Variants in GAD2 observed in about 807,000 individuals in gnomAD.
The protein encoded by GAD2 is 65 kDa glutamic acid decarboxylase.
GAD2 carries 22 observed loss-of-function variants against 80.1 expected under a neutral mutation model. The ratio of observed to expected loss-of-function variants is 0.27; its 90% confidence interval spans 0.20 to 0.39. The LOEUF (loss-of-function observed/expected upper bound fraction) is 0.39, where lower values mean the gene tolerates loss of function less well. GAD2 is among the 10% of genes least tolerant of loss of function. GAD2 has a pLI of 1.00. For missense variants in GAD2, 624 were observed against 738.4 expected (o/e 0.85, Z 1.80); for synonymous variants, 274 against 256.9 (o/e 1.07, Z -0.64).
chr10:26,280,698 T>C lies in GAD2; in HGVS notation c.1158-311T>C, dbSNP rs8190746. ...ACATATTTAAGAGTCTACTTTGTGT[T>C]TACTAAATACAGTATCATGGGAGCA... is the stretch of plus-strand genomic sequence containing the variant. On this transcript the variant is annotated intron_variant, in intron 11 of 15. Transcript: ENST00000376261. Among the ~76,000 whole-genome samples the C allele has an allele frequency of 3.4e-3, 512 of 152,114 alleles. 2 individuals are homozygous for C. Among genetic ancestry groups the C allele is most frequent in the African/African-American group, 0.012 (497 of 41,486 alleles).
chr10:26,276,115 A>G (rs1190705726), intron 11 of GAD2, among the ~76,000 whole-genome samples: 1 of 152,128 alleles, frequency 6.6e-6, no homozygotes, highest in Non-Finnish European at 1.5e-5. Context: ...ACAGTGAGCT[A>G]TGATGGCACC....
intron 7 of GAD2, among the ~76,000 whole-genome samples, chr10:26,245,153 C>CAAAAAAA (rs1229625147): frequency 7.7e-5 from 4 of 52,172 alleles, no homozygotes; most frequent in Non-Finnish European, 9.8e-5. Context: ...AACTCTGTCT[C>CAAAAAAA]AAAAAAAAAA....
intron 7 of GAD2, 48 bp downstream of exon 7, chr10:26,229,825 C>T: frequency 1.4e-6 from 2 of 1,419,324 alleles, no homozygotes; most frequent in Non-Finnish European, 2.0e-6. Flanking sequence ...TCCATAAAGC[C>T]CGAGTTTAAG....
intron 8 of GAD2, among the ~76,000 whole-genome samples, chr10:26,248,819 A>T (rs1844842657): frequency 1.3e-5 from 2 of 152,130 alleles, no homozygotes; most frequent in South Asian, 2.1e-4. Flanking sequence ...AGAAAAAAAA[A>T]TGGTGTTATT....
chr10:26,217,991 G>A lies in GAD2; in HGVS notation c.286G>A (p.Asp96Asn). The A allele has an allele frequency of 6.2e-7, 1 of 1,603,010 alleles. No homozygotes were observed. The highest frequency in any genetic ancestry group is 2.2e-5 in the East Asian group (1 of 44,504). ...CAACTACGCGTTTCTCCATGCAACA[G>A]GTAAAGACTCAGCGGGGAGCCCCGG... is the stretch of plus-strand genomic sequence containing the variant. The part of the protein sequence containing the change: ...DVNYAFLHAT[D>N]LLPACDGERP... Residue 96 changes from aspartate to asparagine, a missense_variant and splice_region_variant, in exon 3 of 16, where the codon GAC (aspartate) becomes AAC (asparagine). Transcript: ENST00000376261. The surrounding 1 kb of genome is among the most constrained non-coding windows in gnomAD (Gnocchi z 4.9).
intron 3 of GAD2, among the ~76,000 whole-genome samples, chr10:26,218,486 G>C (rs1844410508): frequency 6.7e-6 from 1 of 150,324 alleles, no homozygotes; most frequent in Non-Finnish European, 1.5e-5. Flanking sequence ...CTTACACACC[G>C]TCTCCCAAAT....
At chr10:26,283,620 C>T (rs1397251919) in intron 12 of GAD2, among the ~76,000 whole-genome samples, 1 of 152,224 alleles carries the variant, frequency 6.6e-6, no homozygotes, top group Non-Finnish European at 1.5e-5. Context: ...CCACACCTGC[C>T]ATGCTCTGCT....
intron 10 of GAD2, 57 bp downstream of exon 10, chr10:26,270,813 A>C: frequency 1.8e-6 from 2 of 1,083,998 alleles, no homozygotes; most frequent in East Asian, 4.7e-5. Flanking sequence ...TTCATGTGGG[A>C]CACACAAAGG....
chr10:26,230,820 G>A (rs931628935), intron 7 of GAD2, among the ~76,000 whole-genome samples: 2 of 151,984 alleles, frequency 1.3e-5, no homozygotes, highest in Non-Finnish European at 2.9e-5. Context: ...AGGCACGGTG[G>A]CTCATGCCTG....
At chr10:26,296,681 C>A (rs991274686) in intron 15 of GAD2, among the ~76,000 whole-genome samples, 4 of 152,140 alleles carry the variant, frequency 2.6e-5, no homozygotes, top group African/African-American at 9.7e-5. Context: ...CTATTGATCA[C>A]CTCTTGTGTT....
At chr10:26,287,220 G>A (rs938765227) in intron 13 of GAD2, among the ~76,000 whole-genome samples, 2 of 152,098 alleles carry the variant, frequency 1.3e-5, no homozygotes, top group Non-Finnish European at 1.5e-5. Flanking sequence ...ATTAGTGCCT[G>A]CCCATCCGGC....
chr10:26,277,678 G>A (rs11015026), intron 11 of GAD2, among the ~76,000 whole-genome samples: 1 of 151,972 alleles, frequency 6.6e-6, no homozygotes, highest in Admixed American at 6.5e-5. Context: ...ACCTAGGAGA[G>A]GGGGAGAGAG....
chr10:26,278,677 A>T (rs1178142405), intron 11 of GAD2, among the ~76,000 whole-genome samples: 1 of 152,120 alleles, frequency 6.6e-6, no homozygotes, highest in Non-Finnish European at 1.5e-5. Context: ...TTACTCATTA[A>T]GTCCTTTAGT....
At chr10:26,271,126 G>A (rs1313706705) in intron 10 of GAD2, among the ~76,000 whole-genome samples, 1 of 152,154 alleles carries the variant, frequency 6.6e-6, no homozygotes. Flanking sequence ...AGAGTAAAGA[G>A]GAGTTGCATT....
At chr10:26,263,121 A>G (rs1845028206) in intron 8 of GAD2, among the ~76,000 whole-genome samples, 1 of 152,214 alleles carries the variant, frequency 6.6e-6, no homozygotes, top group African/African-American at 2.4e-5. Flanking sequence ...CTTTTGGAGA[A>G]AGTCAATGGG....
chr10:26,270,808 G>T (rs375242505), intron 10 of GAD2, 52 bp downstream of exon 10: 29 of 1,132,158 alleles, frequency 2.6e-5, no homozygotes, highest in East Asian at 1.6e-4. Flanking sequence ...CGTTTTTCAT[G>T]TGGGACACAC....
intron 7 of GAD2, among the ~76,000 whole-genome samples, chr10:26,239,054 T>G (rs1293084320): frequency 6.6e-6 from 1 of 152,150 alleles, no homozygotes; most frequent in African/African-American, 2.4e-5. Context: ...TAGGCTGGGC[T>G]TCAAGATCTA....
intron 8 of GAD2, among the ~76,000 whole-genome samples, chr10:26,263,735 C>G (rs957944256): frequency 6.6e-6 from 1 of 152,118 alleles, no homozygotes; most frequent in Middle Eastern, 3.2e-3. Flanking sequence ...ACTGCTATTG[C>G]GTTTGAATGC....
intron 7 of GAD2, among the ~76,000 whole-genome samples, chr10:26,237,701 T>A (rs2132281727): frequency 6.6e-6 from 1 of 152,210 alleles, no homozygotes; most frequent in African/African-American, 2.4e-5. Flanking sequence ...CATACATATA[T>A]TTATTTTAAG....
Sources: gnomAD v4.1 joint callset for allele counts (sites outside exome capture counted in the v4.1 genomes callset) on GRCh38, gnomAD v4.1.1 for gene constraint, Gnocchi (gnomAD v3.1) non-coding constraint, MANE v1.5 for transcripts, NCBI Gene and HGNC (gene_info 2026-07-23, HGNC 2026-07-21) for gene names.